UBXN4: variants seen among roughly 807,000 people sequenced by gnomAD.
UBXN4 encodes the protein UBX domain protein 4.
UBXN4 carries 35 observed loss-of-function variants against 66.2 expected under a neutral mutation model. The observed-to-expected ratio is 0.53, with a 90% confidence interval of 0.40 to 0.70. UBXN4 has a LOEUF of 0.70. Ranked by LOEUF, UBXN4 falls within the 30% of genes least tolerant of loss-of-function variation. The probability of loss-of-function intolerance (pLI) is 0.00; values close to 1 mark genes in which losing one functional copy is unlikely to be tolerated. For missense variants in UBXN4, 533 were observed against 599.8 expected (o/e 0.89, Z 1.16); for synonymous variants, 203 against 204.5 (o/e 0.99, Z 0.06).
At chr2:135,743,800 ACT>A (rs1293241809) in intron 1 of UBXN4, among the ~76,000 whole-genome samples, 1 of 152,164 alleles carries the variant, frequency 6.6e-6, no homozygotes, top group African/African-American at 2.4e-5. Flanking sequence ...ATATTTGGAA[ACT>A]CTAGTACAAA....
At chr2:135,757,191 A>G (rs986573063) in intron 5 of UBXN4, among the ~76,000 whole-genome samples, 2 of 151,992 alleles carry the variant, frequency 1.3e-5, no homozygotes, top group African/African-American at 4.8e-5. Flanking sequence ...TTATTTTTTC[A>G]CACTTATTTT....
intron 9 of UBXN4, among the ~76,000 whole-genome samples, chr2:135,773,501 A>G (rs1252501730): frequency 6.6e-6 from 1 of 152,204 alleles, no homozygotes; most frequent in Non-Finnish European, 1.5e-5. Flanking sequence ...CAGAGTAGTC[A>G]GTGTCCACAT....
chr2:135,772,418 A>G lies in UBXN4; in HGVS notation c.823-2A>G. The G allele has an allele frequency of 6.2e-7, 1 of 1,613,448 alleles. No homozygotes were observed. The highest frequency in any genetic ancestry group is 8.5e-7 in the Non-Finnish European group (1 of 1,179,520). ...TAATTGGTATTTAATGATGTTTTAA[A>G]GGACCGTGCAGAGAGAGCTGCTCGT... On this transcript the variant is annotated splice_acceptor_variant, in intron 8 of 12. Coordinates refer to ENST00000272638, the MANE Select transcript of UBXN4 (RefSeq NM_014607.4). LOFTEE classifies it high-confidence loss of function.
intron 6 of UBXN4, 101 bp from the exon 7 acceptor site, chr2:135,769,668 C>G (rs1321965471): frequency 2.2e-6 from 2 of 892,494 alleles, no homozygotes; most frequent in Non-Finnish European, 3.2e-6. Flanking sequence ...TTGTTTGTTT[C>G]TTTATTTCTC....
chr2:135,776,415 A>C, intron 10 of UBXN4, 64 bp downstream of exon 10: 1 of 1,425,176 alleles, frequency 7.0e-7, no homozygotes. Flanking sequence ...TAGGAAGGGA[A>C]AATTTCAAAG....
rs773232226 is a variant in UBXN4, at chr2:135,741,901, C to T, written c.-29C>T. On this transcript the variant is annotated 5_prime_UTR_variant, in exon 1 of 13. Transcript: ENST00000272638. ...CTTCGGGACTGCGGAGACTACACAC[C>T]GAGCGAGCGCCTGGGCCCGAAGGGA... 5.6e-6 allele frequency: 9 copies of T among 1,601,492 alleles called. No individual in the cohort carries two copies. The highest frequency in any genetic ancestry group is 7.7e-6 in the Non-Finnish European group (9 of 1,174,536).
chr2:135,751,366 T>A (rs898478131), intron 2 of UBXN4, among the ~76,000 whole-genome samples: 4 of 150,048 alleles, frequency 2.7e-5, no homozygotes, highest in East Asian at 4.0e-4. Flanking sequence ...TTTAAAATAG[T>A]TTTAGTAGAG....
At position 135,780,428 on chromosome 2, in the gene UBXN4, T is replaced by C. The variant is rs1459450999; in HGVS notation, c.1388+43T>C. 12 of 1,578,944 alleles carry C rather than the reference T, an allele frequency of 7.6e-6. No homozygotes were observed. The African/African-American group carries it at 1.6e-4, about 21-fold the overall frequency. ...CCCCATTTATAAAATATGTAAGTCA[T>C]GCCCAGTATCTTTTTTAAGTAAAAA... On this transcript the variant is annotated intron_variant, in intron 12 of 12. Coordinates refer to ENST00000272638, the MANE Select transcript of UBXN4 (RefSeq NM_014607.4).
At chr2:135,745,315 G>A (rs1479907476) in intron 1 of UBXN4, among the ~76,000 whole-genome samples, 2 of 152,176 alleles carry the variant, frequency 1.3e-5, no homozygotes, top group African/African-American at 4.8e-5. Context: ...TCTTCTGGCT[G>A]TTGGCATGGC....
Position 135,754,575 on chromosome 2 carries a change from G to A in UBXN4, c.333+298G>A, listed in dbSNP as rs148522319. Among the ~76,000 whole-genome samples the A allele has an allele frequency of 4.5e-3, 682 of 151,898 alleles. 4 individuals are homozygous for A. Among genetic ancestry groups the A allele is most frequent in the African/African-American group, 0.016 (644 of 41,424 alleles). ...TGACCTCAGGTGATCTGCCCGCCTC[G>A]GCCTCCCAAAGTGCTGAGATTACAG... On this transcript the variant is annotated intron_variant, in intron 4 of 12. Transcript: ENST00000272638.
In UBXN4 at chr2:135,780,401, T is replaced by C; in HGVS notation, c.1388+16T>C. 1 of 1,610,556 alleles carries C rather than the reference T, an allele frequency of 6.2e-7. No homozygotes were observed. On this transcript the variant is annotated intron_variant, in intron 12 of 12. Transcript: ENST00000272638. ...CAGAAAAAAGGTATCTGTGTGTGTT[T>C]TCCCCATTTATAAAATATGTAAGTC...
chr2:135,766,810 A>G (rs1276318365), intron 6 of UBXN4, among the ~76,000 whole-genome samples: 1 of 152,170 alleles, frequency 6.6e-6, no homozygotes, highest in African/African-American at 2.4e-5. Context: ...GGTGATTCAA[A>G]TGGTAAATAT....
At chr2:135,765,463 G>A (rs1296371858) in intron 6 of UBXN4, among the ~76,000 whole-genome samples, 3 of 151,804 alleles carry the variant, frequency 2.0e-5, no homozygotes, top group East Asian at 1.9e-4. Flanking sequence ...TGCCCGCCTC[G>A]GCCTCCCAAA....
At chr2:135,771,464 C>T (rs952940549) in intron 8 of UBXN4, among the ~76,000 whole-genome samples, 1 of 151,704 alleles carries the variant, frequency 6.6e-6, no homozygotes, top group African/African-American at 2.4e-5. Flanking sequence ...CGACAAAAAG[C>T]GAAACTCCAT....
Position 135,741,855 on chromosome 2 carries a change from G to T in UBXN4, c.-75G>T, listed in dbSNP as rs2077175136. 6.6e-7 allele frequency: 1 copy of T among 1,516,370 alleles called. No homozygotes were observed. The highest frequency in any genetic ancestry group is 2.0e-5 in the Admixed American group (1 of 49,850). 93.9% of individuals were successfully genotyped at this position (1,516,370 alleles called of 1,614,324 possible). A position where few individuals can be genotyped will look rare whatever the true frequency, so the allele number is the denominator to read the frequency against. ...GGTTGCGGGGGCCGCAGAGCCGGAC[G>T]AAGACGGAGGGCGGAGCCGGCTTCG... On this transcript the variant is annotated 5_prime_UTR_variant, in exon 1 of 13. Transcript: ENST00000272638.
rs1173049692 is a variant in UBXN4 at position 135,770,701 on chromosome 2, C to T, written c.788C>T (p.Ala263Val). 1.9e-6 allele frequency: 3 copies of T among 1,561,990 alleles called. No individual in the cohort carries two copies. The highest frequency in any genetic ancestry group is 1.2e-5 in the South Asian group (1 of 81,224). Residue 263 changes from alanine (A) to valine (V), a missense_variant, in exon 8 of 13, where the codon GCA becomes GTA. Physicochemically the swap from Ala to Val is moderately conservative, Grantham distance 64. Coordinates refer to ENST00000272638, the MANE Select transcript of UBXN4 (RefSeq NM_014607.4). The stretch of plus-strand genomic sequence containing the variant: ...AACAGAGAGAAAGCAGAAGATAGGG[C>T]AGCTCGAGAACGTATAAAACAGCAG... The part of the protein sequence containing the change: ...ERNREKAEDR[A>V]ARERIKQQIA...
In UBXN4 at chr2:135,755,550, A is replaced by C. The variant is rs754031883; in HGVS notation, c.367A>C (p.Asn123His). The change falls in exon 5 of 13, where the codon AAT becomes CAT. Residue 123 changes from asparagine (N) to histidine (H), a missense_variant. Around this residue, in one of 2 missense-constraint regions of UBXN4, gnomAD observed 529 missense variants for 580.1 expected, o/e 0.91. Coordinates refer to ENST00000272638, the MANE Select transcript of UBXN4 (RefSeq NM_014607.4). ...HLLKSETSVA[N>H]GSQSESSVST... is the part of the protein sequence containing the mutation. The stretch of plus-strand genomic sequence containing the variant: ...GCTAAAAAGTGAAACATCAGTAGCA[A>C]ATGGCAGTCAGTCAGAAAGTTCAGT... The C allele has an allele frequency of 6.3e-7, 1 of 1,597,344 alleles. No individual in the cohort carries two copies. Among genetic ancestry groups the C allele is most frequent in the South Asian group, 1.1e-5 (1 of 87,956 alleles).
intron 10 of UBXN4, 32 bp downstream of exon 10, chr2:135,776,383 A>G (rs917621279): frequency 1.9e-6 from 3 of 1,567,852 alleles, no homozygotes; most frequent in South Asian, 1.1e-5. Context: ...TAGTAAAAAT[A>G]GATGTGTAGG....
chr2:135,744,595 A>C (rs1037521599), intron 1 of UBXN4, among the ~76,000 whole-genome samples: 5 of 152,112 alleles, frequency 3.3e-5, no homozygotes, highest in Non-Finnish European at 7.3e-5. Context: ...AATGTAGACC[A>C]CAGAAGCCTT....
Sources: allele counts gnomAD v4.1 joint callset (sites outside exome capture counted in the v4.1 genomes callset), GRCh38; gene constraint gnomAD v4.1.1; regional missense constraint gnomAD v4.1.1; transcripts MANE v1.5; gene names NCBI Gene and HGNC (gene_info 2026-07-23, HGNC 2026-07-21).